The following CNTN5 variants were observed in gnomAD, a reference collection of about 807,000 sequenced individuals.
CNTN5 encodes the protein contactin-5.
Under a neutral mutation model 129.1 loss-of-function variants are expected in CNTN5, and 77 were observed. The observed-to-expected ratio is 0.60, with a 90% CI of 0.50 to 0.72. The LOEUF (loss-of-function observed/expected upper bound fraction) is 0.72. CNTN5 is among the 30% of genes least tolerant of loss of function. The pLI is 0.00. For missense variants in CNTN5, 1,478 were observed against 1,328.8 expected (o/e 1.11, Z -1.75); for synonymous variants, 509 against 465.6 (o/e 1.09, Z -1.20).
At chr11:99,718,657 A>G (rs1327718072) in intron 3 of CNTN5, among the ~76,000 whole-genome samples, 4 of 152,164 alleles carry the variant, frequency 2.6e-5, no homozygotes, top group Non-Finnish European at 5.9e-5. Context: ...ACAGAATATG[A>G]GGATGGTAAT....
chr11:99,135,054 C>T (rs982074415), intron 1 of CNTN5, among the ~76,000 whole-genome samples: 4 of 152,110 alleles, frequency 2.6e-5, no homozygotes, highest in African/African-American at 7.2e-5. Flanking sequence ...ATAATATAAG[C>T]CTTGCAATGT....
At chr11:99,833,544 C>T (rs1419780231) in intron 4 of CNTN5, among the ~76,000 whole-genome samples, 1 of 152,102 alleles carries the variant, frequency 6.6e-6, no homozygotes, top group South Asian at 2.1e-4. Flanking sequence ...GTGTTCTGAA[C>T]AACTTTAAAG....
chr11:99,648,562 A>G (rs1423321579), intron 3 of CNTN5, among the ~76,000 whole-genome samples: 1 of 151,894 alleles, frequency 6.6e-6, no homozygotes, highest in Non-Finnish European at 1.5e-5. Context: ...TAATCCTACT[A>G]CTGGATATTT....
chr11:99,312,955 A>G (rs1865176455), intron 1 of CNTN5, among the ~76,000 whole-genome samples: 1 of 152,040 alleles, frequency 6.6e-6, no homozygotes, highest in Non-Finnish European at 1.5e-5. Context: ...AGGCTGGACA[A>G]AAATAGTGGT....
intron 2 of CNTN5, among the ~76,000 whole-genome samples, chr11:99,374,350 T>G (rs1042722844): frequency 6.6e-6 from 1 of 152,236 alleles, no homozygotes; most frequent in East Asian, 1.9e-4. Context: ...ATCGGAACCT[T>G]GGCTCAAACA....
chr11:100,331,696 C>T (rs1175290757), intron 21 of CNTN5, among the ~76,000 whole-genome samples: 1 of 152,078 alleles, frequency 6.6e-6, no homozygotes, highest in East Asian at 1.9e-4. Context: ...CAAAACCATG[C>T]AAATACATGG....
intron 2 of CNTN5, among the ~76,000 whole-genome samples, chr11:99,434,008 T>C (rs1943502733): frequency 6.6e-6 from 1 of 152,146 alleles, no homozygotes; most frequent in South Asian, 2.1e-4. Context: ...ATACAGTGAT[T>C]ATTACTACTG....
intron 21 of CNTN5, chr11:100,337,226 A>G (rs909902138): frequency 1.0e-4 from 157 of 1,541,252 alleles, no homozygotes; most frequent in Middle Eastern, 4.7e-4. Context: ...CCAGAAACAT[A>G]TGTGAAAGTG....
intron 2 of CNTN5, among the ~76,000 whole-genome samples, chr11:99,337,481 T>G (rs1866280189): frequency 6.6e-6 from 1 of 152,208 alleles, no homozygotes; most frequent in Admixed American, 6.5e-5. Flanking sequence ...TAGGCCGAAT[T>G]AATTGCAGCA....
chr11:99,300,423 T>C (rs1459493942), intron 1 of CNTN5, among the ~76,000 whole-genome samples: 1 of 152,144 alleles, frequency 6.6e-6, no homozygotes, highest in African/African-American at 2.4e-5. Context: ...TTACATTTAT[T>C]GTTTTGTATA....
At chr11:99,178,022 G>C (rs751804485) in intron 1 of CNTN5, among the ~76,000 whole-genome samples, 5 of 152,066 alleles carry the variant, frequency 3.3e-5, no homozygotes, top group Non-Finnish European at 5.9e-5. Flanking sequence ...AGAGAATCTT[G>C]AAGTCCCTGC....
chr11:100,317,974 G>A (rs1016656541), intron 21 of CNTN5, among the ~76,000 whole-genome samples: 1 of 151,896 alleles, frequency 6.6e-6, no homozygotes, highest in Non-Finnish European at 1.5e-5. Context: ...GGGCGCGATG[G>A]CTGAAGCCTG....
At chr11:99,498,856 T>C (rs982323421) in intron 2 of CNTN5, among the ~76,000 whole-genome samples, 2 of 152,190 alleles carry the variant, frequency 1.3e-5, no homozygotes, top group African/African-American at 2.4e-5. Flanking sequence ...CCAAAACCAT[T>C]GCAGCCATTT....
In CNTN5 at chr11:99,941,689, G is replaced by C. The variant is rs994797224; in HGVS notation, c.674-15117G>C. On this transcript the variant is annotated intron_variant, in intron 7 of 24. Coordinates refer to ENST00000524871, the MANE Select transcript of CNTN5 (RefSeq NM_014361.4). ...CCTCCCACAGGGAGTCATTTGAGCA[G>C]AGACCTAAAAGAAGTTAAGTAATGA... 1.7e-4 allele frequency among the ~76,000 whole-genome samples: 26 copies of C among 150,304 alleles called. 1 individual carries two copies. The highest frequency in any genetic ancestry group is 1.7e-3 in the Admixed American group (26 of 15,034).
At chr11:99,429,225 A>G (rs1233469953) in intron 2 of CNTN5, among the ~76,000 whole-genome samples, 1 of 152,110 alleles carries the variant, frequency 6.6e-6, no homozygotes, top group Admixed American at 6.5e-5. Flanking sequence ...TTTCTGATAT[A>G]GTATTTAAGT....
intron 2 of CNTN5, among the ~76,000 whole-genome samples, chr11:99,528,300 G>T (rs1046600689): frequency 6.6e-6 from 1 of 152,122 alleles, no homozygotes; most frequent in Non-Finnish European, 1.5e-5. Flanking sequence ...ACATATTTTT[G>T]CAAGCATAAA....
chr11:99,704,359 AT>A (rs1376631807), intron 3 of CNTN5, among the ~76,000 whole-genome samples: 1 of 150,882 alleles, frequency 6.6e-6, no homozygotes, highest in East Asian at 1.9e-4. Flanking sequence ...TTGACTTTTA[AT>A]TTTTTTCTTT....
intron 13 of CNTN5, among the ~76,000 whole-genome samples, chr11:100,082,717 A>T (rs1944410172): frequency 2.0e-5 from 3 of 152,186 alleles, no homozygotes; most frequent in Admixed American, 1.3e-4. Context: ...AAATGTCTGC[A>T]TGGACACAAA....
intron 1 of CNTN5, among the ~76,000 whole-genome samples, chr11:99,254,379 T>C (rs1437439575): frequency 1.3e-5 from 2 of 151,990 alleles, no homozygotes; most frequent in Non-Finnish European, 2.9e-5. Context: ...ACTGCCGAAA[T>C]ACATCATGGA....
Sources: gnomAD v4.1 joint callset for allele counts (sites outside exome capture counted in the v4.1 genomes callset) on GRCh38, gnomAD v4.1.1 for gene constraint, MANE v1.5 for transcripts, NCBI Gene and HGNC (gene_info 2026-07-23, HGNC 2026-07-21) for gene names.